Variants in ADK observed in about 807,000 individuals in gnomAD.
ADK encodes N6,N6-dimethyladenosine kinase.
In ADK, 24 loss-of-function variants were observed where a neutral mutation model predicts 44.7. The ratio of observed to expected loss-of-function variants is 0.54; its 90% CI spans 0.39 to 0.76. The LOEUF is 0.76. Ranked by LOEUF, ADK falls within the 30% of genes least tolerant of loss-of-function variation. The pLI, the probability that ADK is intolerant of heterozygous loss-of-function variation, is 0.00. For synonymous variants in ADK, 128 were observed against 142.6 expected (o/e 0.90, Z 0.73); for missense variants, 321 against 425.1 (o/e 0.76, Z 2.15).
chr10:74,623,710 G>A (rs1255729652), intron 9 of ADK, among the ~76,000 whole-genome samples: 2 of 150,468 alleles, frequency 1.3e-5, no homozygotes, highest in African/African-American at 4.9e-5. Flanking sequence ...TAATATATAT[G>A]TATTCTAGGC....
intron 3 of ADK, among the ~76,000 whole-genome samples, chr10:74,272,804 A>G (rs1191199171): frequency 6.6e-6 from 1 of 152,170 alleles, no homozygotes; most frequent in African/African-American, 2.4e-5. Flanking sequence ...ATTTACAAAG[A>G]AAGTTCAGTC....
At chr10:74,304,905 C>A (rs1023999372) in intron 3 of ADK, among the ~76,000 whole-genome samples, 1 of 152,010 alleles carries the variant, frequency 6.6e-6, no homozygotes, top group Admixed American at 6.5e-5. Flanking sequence ...AATGAGGAAA[C>A]CTAATCTCGG....
intron 4 of ADK, among the ~76,000 whole-genome samples, chr10:74,355,595 T>C (rs1842108986): frequency 6.6e-6 from 1 of 152,220 alleles, no homozygotes; most frequent in Admixed American, 6.5e-5. Flanking sequence ...GATTTACAGA[T>C]AGCATTTTCA....
chr10:74,681,800 A>G (rs1855612463), intron 10 of ADK, among the ~76,000 whole-genome samples: 1 of 151,520 alleles, frequency 6.6e-6, no homozygotes, highest in South Asian at 2.1e-4. Flanking sequence ...CAGTAACCCA[A>G]GATCACGCCA....
chr10:74,275,628 A>G (rs554529260), intron 3 of ADK, among the ~76,000 whole-genome samples: 1 of 152,304 alleles, frequency 6.6e-6, no homozygotes, highest in African/African-American at 2.4e-5. Context: ...AACTCTGGAC[A>G]GAATTCCCAA....
chr10:74,696,766 C>G (rs1856224559), intron 10 of ADK, among the ~76,000 whole-genome samples: 2 of 152,030 alleles, frequency 1.3e-5, no homozygotes, highest in Non-Finnish European at 2.9e-5. Flanking sequence ...TTGGGTATGA[C>G]TTTTATAATC....
At chr10:74,691,958 T>TG (rs1246788857) in intron 10 of ADK, among the ~76,000 whole-genome samples, 1 of 152,172 alleles carries the variant, frequency 6.6e-6, no homozygotes, top group Admixed American at 6.6e-5. Context: ...GAAGACAATT[T>TG]GGCAATCTCT....
chr10:74,540,962 T>C (rs1320161613), intron 7 of ADK, among the ~76,000 whole-genome samples: 2 of 152,164 alleles, frequency 1.3e-5, no homozygotes, highest in Non-Finnish European at 2.9e-5. Context: ...AAAATTTAAA[T>C]AGGTGCCATT....
chr10:74,635,405 C>T (rs1214126765), intron 9 of ADK, among the ~76,000 whole-genome samples: 4 of 152,130 alleles, frequency 2.6e-5, no homozygotes, highest in African/African-American at 9.7e-5. Flanking sequence ...GATATTAAAA[C>T]ATTGTTATAT....
At chr10:74,343,575 G>A (rs1473521801) in intron 4 of ADK, among the ~76,000 whole-genome samples, 3 of 152,022 alleles carry the variant, frequency 2.0e-5, no homozygotes, top group Non-Finnish European at 2.9e-5. Flanking sequence ...GTGTTGTTCT[G>A]GAGTCAATTG....
chr10:74,322,533 C>T (rs1034385815), intron 4 of ADK, among the ~76,000 whole-genome samples: 4 of 152,080 alleles, frequency 2.6e-5, no homozygotes, highest in Admixed American at 2.6e-4. Context: ...TTTCTGTTCT[C>T]TTTCCTTTTC....
At chr10:74,466,809 A>G (rs1440701134) in intron 6 of ADK, among the ~76,000 whole-genome samples, 2 of 152,132 alleles carry the variant, frequency 1.3e-5, no homozygotes, top group Admixed American at 6.6e-5. Flanking sequence ...GCTTTGCTTC[A>G]TTAGCTGAAA....
At chr10:74,421,702 A>AC (rs895241575) in intron 6 of ADK, among the ~76,000 whole-genome samples, 2 of 152,194 alleles carry the variant, frequency 1.3e-5, no homozygotes, top group African/African-American at 4.8e-5. Context: ...GGAAAATACA[A>AC]CATAAGCATG....
At chr10:74,528,566 A>G (rs984474556) in intron 7 of ADK, among the ~76,000 whole-genome samples, 4 of 152,150 alleles carry the variant, frequency 2.6e-5, no homozygotes, top group Non-Finnish European at 4.4e-5. Context: ...AAGGACACTA[A>G]CAAGAATGTG....
chr10:74,629,075 G>A (rs1589312812), intron 9 of ADK, among the ~76,000 whole-genome samples: 1 of 151,972 alleles, frequency 6.6e-6, no homozygotes, highest in African/African-American at 2.4e-5. Flanking sequence ...TGTCTCCCAG[G>A]CTGGAGTAGA....
chr10:74,619,916 C>A (rs1478738060), intron 9 of ADK, among the ~76,000 whole-genome samples: 3 of 152,064 alleles, frequency 2.0e-5, no homozygotes, highest in Non-Finnish European at 4.4e-5. Context: ...GAGATGAGGT[C>A]TCGCTGTGTT....
chr10:74,664,700 G>A (rs1254038062), intron 9 of ADK, among the ~76,000 whole-genome samples: 3 of 151,974 alleles, frequency 2.0e-5, no homozygotes, highest in East Asian at 1.9e-4. Context: ...AAAATTAGCC[G>A]GGCATGGTGG....
intron 3 of ADK, among the ~76,000 whole-genome samples, chr10:74,246,681 T>C (rs1219060985): frequency 1.3e-5 from 2 of 152,222 alleles, no homozygotes; most frequent in African/African-American, 4.8e-5. Context: ...CCTGATTTTT[T>C]AGAAAGTCAA....
At chr10:74,378,086 T>C (rs1842869249) in intron 4 of ADK, among the ~76,000 whole-genome samples, 1 of 151,796 alleles carries the variant, frequency 6.6e-6, no homozygotes, top group Non-Finnish European at 1.5e-5. Context: ...ATGGAGATCA[T>C]GTGTCTACCT....
Sources: allele counts gnomAD v4.1 joint callset (sites outside exome capture counted in the v4.1 genomes callset), GRCh38; gene constraint gnomAD v4.1.1; transcripts MANE v1.5; gene names NCBI Gene and HGNC (gene_info 2026-07-23, HGNC 2026-07-21).